ABCB7: variants seen among roughly 807,000 people sequenced by gnomAD.
ABCB7 encodes the protein iron-sulfur clusters transporter ABCB7, mitochondrial.
A neutral mutation model predicts 54.4 loss-of-function variants in ABCB7; 7 were observed. The ratio of observed to expected loss-of-function variants is 0.13; its 90% CI spans 0.07 to 0.24. The LOEUF (loss-of-function observed/expected upper bound fraction) is 0.24, where lower values mean the gene tolerates loss of function less well. Ranked by LOEUF, ABCB7 falls within the 10% of genes least tolerant of loss-of-function variation. ABCB7 has a pLI of 1.00. For synonymous variants in ABCB7, 218 were observed against 207.1 expected (o/e 1.05, Z -0.45); for missense variants, 356 against 570.4 (o/e 0.62, Z 3.83).
chrX:75,054,365 T>C (rs747719775), intron 15 of ABCB7, among the ~76,000 whole-genome samples: 1 of 111,941 alleles, frequency 8.9e-6, no homozygotes, highest in African/African-American at 3.2e-5. Context: ...CTTCCTACTA[T>C]GGAATACGGA....
chrX:75,115,256 G>C (rs1176022747), intron 1 of ABCB7, among the ~76,000 whole-genome samples: 1 of 62,262 alleles, frequency 1.6e-5, no homozygotes, highest in Non-Finnish European at 2.6e-5. Context: ...AACAGAGCGA[G>C]ACTCTGTCTC....
At chrX:75,139,006 C>CAAAAA (rs60785681) in intron 1 of ABCB7, among the ~76,000 whole-genome samples, 2 of 57,811 alleles carry the variant, frequency 3.5e-5, no homozygotes, top group African/African-American at 1.3e-4. Flanking sequence ...GACTCTGCCT[C>CAAAAA]AAAAAAAAAA....
chrX:75,139,854 G>A (rs5981774), intron 1 of ABCB7, among the ~76,000 whole-genome samples: 3,298 of 111,395 alleles, frequency 0.03, 125 homozygotes, highest in African/African-American at 0.1. Flanking sequence ...AAAGTTCTGC[G>A]TATTTTAATG....
At chrX:75,128,328 G>T (rs754737348) in intron 1 of ABCB7, among the ~76,000 whole-genome samples, 1 of 111,245 alleles carries the variant, frequency 9.0e-6, no homozygotes, top group South Asian at 3.9e-4. Flanking sequence ...TGACAAACCT[G>T]ACAAAAACAA....
chrX:75,102,416 CAT>C (rs985356015), intron 3 of ABCB7, among the ~76,000 whole-genome samples: 5 of 111,503 alleles, frequency 4.5e-5, no homozygotes, highest in African/African-American at 9.7e-5. Flanking sequence ...TCTTAGATAA[CAT>C]GTGATATTTG....
intron 10 of ABCB7, among the ~76,000 whole-genome samples, 163 bp from the exon 11 acceptor site, chrX:75,069,617 T>C (rs2081347921): frequency 9.0e-6 from 1 of 111,431 alleles, no homozygotes; most frequent in African/African-American, 3.3e-5. Context: ...ATTTGTTTTC[T>C]CACGCTTCAT....
chrX:75,089,881 T>C (rs1440525048), intron 4 of ABCB7, among the ~76,000 whole-genome samples: 1 of 110,599 alleles, frequency 9.0e-6, no homozygotes, highest in Non-Finnish European at 1.9e-5. Flanking sequence ...ATGAATTATA[T>C]GTAAACGGAT....
At chrX:75,090,480 A>G (rs1163332884) in intron 4 of ABCB7, among the ~76,000 whole-genome samples, 1 of 110,694 alleles carries the variant, frequency 9.0e-6, no homozygotes, top group Non-Finnish European at 1.9e-5. Context: ...TGTGGGATGC[A>G]GCAAAAGCAG....
At chrX:75,094,036 A>C (rs973721170) in intron 4 of ABCB7, among the ~76,000 whole-genome samples, 1 of 38,216 alleles carries the variant, frequency 2.6e-5, no homozygotes. Context: ...ATATATATAT[A>C]TATATATATA....
chrX:75,073,610 C>T (rs758305432), intron 8 of ABCB7, 79 bp downstream of exon 8: 42 of 766,725 alleles, frequency 5.5e-5, no homozygotes, highest in Admixed American at 1.6e-4. Context: ...CTCTAATTTA[C>T]AGTACCTATT....
At chrX:75,120,348 C>T (rs764230472) in intron 1 of ABCB7, among the ~76,000 whole-genome samples, 5 of 111,932 alleles carry the variant, frequency 4.5e-5, no homozygotes, top group East Asian at 5.6e-4. Context: ...TGGTGGCTCA[C>T]GCCTGTAATC....
At chrX:75,087,722 A>C (rs909585319) in intron 4 of ABCB7, among the ~76,000 whole-genome samples, 8 of 112,227 alleles carry the variant, frequency 7.1e-5, no homozygotes, top group African/African-American at 2.6e-4. Flanking sequence ...TGTCATTTTT[A>C]CCTAGTCTGA....
intron 2 of ABCB7, 52 bp downstream of exon 2, chrX:75,114,702 A>G (rs2081792521): frequency 6.5e-6 from 7 of 1,070,906 alleles, no homozygotes; most frequent in Non-Finnish European, 9.0e-6. Flanking sequence ...AAATACTCCA[A>G]GGGTTTACAG....
intron 4 of ABCB7, among the ~76,000 whole-genome samples, chrX:75,083,557 T>C (rs1241924251): frequency 1.8e-5 from 2 of 111,303 alleles, no homozygotes; most frequent in African/African-American, 6.5e-5. Flanking sequence ...CAGGCTTCTT[T>C]GATAGAAGAG....
intron 3 of ABCB7, among the ~76,000 whole-genome samples, chrX:75,109,216 A>G (rs974689697): frequency 1.8e-5 from 2 of 112,311 alleles, no homozygotes; most frequent in Non-Finnish European, 3.8e-5. Flanking sequence ...AATGTACTAC[A>G]AGTGAACAGC....
intron 1 of ABCB7, among the ~76,000 whole-genome samples, chrX:75,122,861 G>GGTGTGT (rs58879235): frequency 0.5 from 45,951 of 92,676 alleles, 10,343 homozygotes; most frequent in Middle Eastern, 0.68. Context: ...TTAAAATTGG[G>GGTGTGT]GTGTGTGTGT....
chrX:75,107,836 T>A (rs1029559179), intron 3 of ABCB7, among the ~76,000 whole-genome samples: 1 of 110,611 alleles, frequency 9.0e-6, no homozygotes, highest in Admixed American at 9.6e-5. Flanking sequence ...GAAGGGAACT[T>A]TGTCTTGCAC....
intron 1 of ABCB7, among the ~76,000 whole-genome samples, chrX:75,137,903 A>G (rs1056693484): frequency 2.7e-4 from 30 of 111,668 alleles, no homozygotes; most frequent in African/African-American, 9.8e-4. Flanking sequence ...GAGAGCATGG[A>G]ACAACTATGT....
At chrX:75,115,234 C>T (rs2081800680) in intron 1 of ABCB7, among the ~76,000 whole-genome samples, 1 of 87,412 alleles carries the variant, frequency 1.1e-5, no homozygotes, top group East Asian at 3.8e-4. Flanking sequence ...CGCCACTGCA[C>T]TCCAGCCTGG....
Sources: allele counts gnomAD v4.1 joint callset (sites outside exome capture counted in the v4.1 genomes callset), GRCh38; gene constraint gnomAD v4.1.1; transcripts MANE v1.5; gene names NCBI Gene and HGNC (gene_info 2026-07-23, HGNC 2026-07-21).